GOLPH3L: variants seen among roughly 807,000 people sequenced by gnomAD.
The protein encoded by GOLPH3L is golgi phosphoprotein 3 like, also known as Golgi phosphoprotein 3-like.
A neutral mutation model predicts 30.3 loss-of-function variants in GOLPH3L; 22 were observed. The observed-to-expected ratio is 0.73, with a 90% CI of 0.52 to 1.04. GOLPH3L has a LOEUF of 1.04. Ranked by LOEUF, GOLPH3L falls within the 50% of genes least tolerant of loss-of-function variation. The pLI is 0.00. For missense variants in GOLPH3L, 303 were observed against 345.8 expected (o/e 0.88, Z 0.98); for synonymous variants, 120 against 128.2 (o/e 0.94, Z 0.43).
chr1:150,673,798 T>C (rs1414558353), intron 2 of GOLPH3L, among the ~76,000 whole-genome samples: 2 of 148,498 alleles, frequency 1.3e-5, no homozygotes, highest in Non-Finnish European at 3.0e-5. Flanking sequence ...GCCGGGTGCG[T>C]CTGTGGGTCC....
At chr1:150,668,376 GT>G (rs1034904635) in intron 2 of GOLPH3L, among the ~76,000 whole-genome samples, 2 of 151,888 alleles carry the variant, frequency 1.3e-5, no homozygotes, top group Non-Finnish European at 2.9e-5. Context: ...AGTCATATTT[GT>G]TTTTTTGGTT....
intron 1 of GOLPH3L, among the ~76,000 whole-genome samples, chr1:150,696,787 CA>C (rs1488980335): frequency 5.9e-4 from 1 of 1,694 alleles, no homozygotes; most frequent in African/African-American, 2.1e-3. Flanking sequence ...CTTCGCGGGG[CA>C]GGGGGGGAGG....
chr1:150,669,504 G>A (rs183829088), intron 2 of GOLPH3L, among the ~76,000 whole-genome samples: 98 of 152,210 alleles, frequency 6.4e-4, no homozygotes, highest in South Asian at 1.5e-3. Flanking sequence ...GACCTAGCAC[G>A]TACATACTAA....
At chr1:150,674,280 A>G (rs1650717579) in intron 2 of GOLPH3L, among the ~76,000 whole-genome samples, 1 of 145,488 alleles carries the variant, frequency 6.9e-6, no homozygotes, top group African/African-American at 2.5e-5. Context: ...TTTTTTTTTG[A>G]GATGGAGTCT....
At chr1:150,685,256 T>C (rs2101815425) in intron 2 of GOLPH3L, among the ~76,000 whole-genome samples, 1 of 152,366 alleles carries the variant, frequency 6.6e-6, no homozygotes, top group East Asian at 1.9e-4. Context: ...GCCTAGTTAA[T>C]GTTTTTTATA....
intron 2 of GOLPH3L, among the ~76,000 whole-genome samples, chr1:150,682,200 C>T (rs893615141): frequency 2.0e-5 from 3 of 151,904 alleles, no homozygotes; most frequent in African/African-American, 7.3e-5. Context: ...CTTCTTTACA[C>T]CTTTAAAAAA....
At chr1:150,688,344 T>A (rs1651139033) in intron 2 of GOLPH3L, among the ~76,000 whole-genome samples, 1 of 152,232 alleles carries the variant, frequency 6.6e-6, no homozygotes, top group Non-Finnish European at 1.5e-5. Context: ...CTTTCAGACA[T>A]CTGTGGTTAT....
chr1:150,695,126 CTTTT>C (rs1557792017), intron 1 of GOLPH3L, among the ~76,000 whole-genome samples: 1 of 152,020 alleles, frequency 6.6e-6, no homozygotes, highest in Admixed American at 6.6e-5. Context: ...CTGTTGACTT[CTTTT>C]TTTCTTTTTC....
intron 4 of GOLPH3L, among the ~76,000 whole-genome samples, chr1:150,649,090 T>C (rs1442547590): frequency 6.6e-6 from 1 of 152,204 alleles, no homozygotes; most frequent in Non-Finnish European, 1.5e-5. Flanking sequence ...ATTGTGGAAG[T>C]TCTATTTGCT....
At chr1:150,673,590 CAAAAG>C (rs1650693595) in intron 2 of GOLPH3L, among the ~76,000 whole-genome samples, 1 of 150,676 alleles carries the variant, frequency 6.6e-6, no homozygotes, top group African/African-American at 2.4e-5. Context: ...AAACAAAAAA[CAAAAG>C]AAAACAGAAG....
chr1:150,663,579 C>G lies in GOLPH3L; in HGVS notation c.315+53G>C, dbSNP rs1032295766. 2.1e-5 allele frequency: 31 copies of G among 1,494,948 alleles called. No homozygotes were observed. The African/African-American group carries it at 3.5e-4, about 17-fold the overall frequency. 92.6% of individuals were successfully genotyped at this position (1,494,948 alleles called of 1,614,324 possible). A position where few individuals can be genotyped will look rare whatever the true frequency, so the allele number is the denominator to read the frequency against. The stretch of plus-strand genomic sequence containing the variant: ...AATCTTTCTATTCTTCCCAAATGTA[C>G]TGTTGGTATTTGCCTTTCCATAAGC... On this transcript the variant is annotated intron_variant, in intron 3 of 4. Transcript: ENST00000271732.
intron 4 of GOLPH3L, among the ~76,000 whole-genome samples, chr1:150,652,380 C>CAAA (rs34446972): frequency 1.0e-4 from 4 of 40,190 alleles, no homozygotes; most frequent in Admixed American, 4.7e-4. Context: ...GACTCTGTCT[C>CAAA]AAAAAAAAAA....
rs998752362 is a variant in GOLPH3L at position 150,647,920 on chromosome 1, T to C, written c.*401A>G. ...GAGACAAAGGCTGTGAAAACATGTA[T>C]TTATGATAGAAAACAAACTCAGAAA... On this transcript the variant is annotated 3_prime_UTR_variant, in exon 5 of 5. Transcript: ENST00000271732. 4 of 163,500 alleles carry C rather than the reference T, an allele frequency of 2.4e-5. No individual in the cohort carries two copies. Among genetic ancestry groups the C allele is most frequent in the Admixed American group, 1.2e-4 (2 of 16,246 alleles). 10.1% of individuals were successfully genotyped at this position (163,500 alleles called of 1,614,324 possible).
At chr1:150,656,028 T>C (rs1439308140) in intron 4 of GOLPH3L, among the ~76,000 whole-genome samples, 1 of 152,246 alleles carries the variant, frequency 6.6e-6, no homozygotes, top group Non-Finnish European at 1.5e-5. Flanking sequence ...CCACAAGGCA[T>C]GTTAAACAGT....
chr1:150,694,442 G>T, intron 2 of GOLPH3L: 2 of 433,776 alleles, frequency 4.6e-6, no homozygotes, highest in Non-Finnish European at 8.1e-6. Flanking sequence ...TAAAATTTTG[G>T]AGTAATTTTG....
intron 4 of GOLPH3L, among the ~76,000 whole-genome samples, chr1:150,660,984 C>T (rs185742235): frequency 3.7e-4 from 57 of 152,296 alleles, no homozygotes; most frequent in Non-Finnish European, 7.9e-4. Flanking sequence ...AATCCCAGCA[C>T]TTTGGGAGGC....
chr1:150,661,758 G>A, intron 4 of GOLPH3L, 56 bp downstream of exon 4: 1 of 829,240 alleles, frequency 1.2e-6, no homozygotes, highest in Admixed American at 1.7e-5. Context: ...CTAAATTTCA[G>A]GGTAGGATAA....
At chr1:150,691,717 C>T (rs1028353859) in intron 2 of GOLPH3L, among the ~76,000 whole-genome samples, 3 of 152,046 alleles carry the variant, frequency 2.0e-5, no homozygotes, top group Non-Finnish European at 4.4e-5. Flanking sequence ...AATTGTACCA[C>T]CTAAATATGC....
chr1:150,663,678 T>C lies in GOLPH3L; in HGVS notation c.269A>G (p.Tyr90Cys), dbSNP rs765745224. The C allele has an allele frequency of 6.2e-6, 10 of 1,613,808 alleles. No individual in the cohort carries two copies. In the African/African-American group the frequency reaches 1.1e-4, roughly 17 times the overall value. Residue 90 changes from tyrosine (Y) to cysteine (C), a missense_variant, in exon 3 of 5, where the codon TAT becomes TGT. Coordinates refer to ENST00000271732, the MANE Select transcript of GOLPH3L (RefSeq NM_018178.6). Reference protein sequence around the residue: ...LIELAMRGRIYLEPPTMRKKR... With the variant: ...LIELAMRGRICLEPPTMRKKR... ...CTTACGCATGGTCGGGGGTTCCAGA[T>C]AGATTCGACCCCGCATGGCCAGCTC...
Sources: allele counts gnomAD v4.1 joint callset (sites outside exome capture counted in the v4.1 genomes callset), GRCh38; gene constraint gnomAD v4.1.1; transcripts MANE v1.5; gene names NCBI Gene and HGNC (gene_info 2026-07-23, HGNC 2026-07-21).